SLCO1B3: variants seen among roughly 807,000 people sequenced by gnomAD.
SLCO1B3 encodes liver-specific organic anion transporter 2.
Under a neutral mutation model 71.8 loss-of-function variants are expected in SLCO1B3, and 72 were observed. The observed-to-expected ratio is 1.00, with a 90% confidence interval of 0.83 to 1.22. The LOEUF (loss-of-function observed/expected upper bound fraction) is 1.22, where lower values mean the gene tolerates loss of function less well. SLCO1B3 is among the 50% of genes most tolerant of loss of function. SLCO1B3 has a pLI of 0.00. For synonymous variants in SLCO1B3, 298 were observed against 278.4 expected, an observed-to-expected ratio of 1.07 and a Z score of -0.70; for missense variants, 911 against 819.7, an observed-to-expected ratio of 1.11 and a Z score of -1.36.
In SLCO1B3 at chr12:20,814,903, A is replaced by T. The variant is rs202125262; in HGVS notation, c.-65-771A>T. Among the ~76,000 whole-genome samples the T allele has an allele frequency of 2.1e-3, 316 of 151,976 alleles. 5 individuals carry two copies. The East Asian group carries it at 0.035, about 17-fold the overall frequency. On this transcript the variant is annotated intron_variant, in intron 2 of 15. Coordinates refer to ENST00000381545, the MANE Select transcript of SLCO1B3 (RefSeq NM_019844.4). Reference sequence around the variant, plus strand: ...CAGAGCAAGACTCCGTCTCAAAAAAAAAAAATAAAAAAGCATACCAGATTT... The same window carrying T: ...CAGAGCAAGACTCCGTCTCAAAAAATAAAAATAAAAAAGCATACCAGATTT...
chr12:20,864,568 C>G (rs1162989302), intron 8 of SLCO1B3, among the ~76,000 whole-genome samples: 2 of 152,140 alleles, frequency 1.3e-5, no homozygotes, highest in Non-Finnish European at 2.9e-5. Context: ...CTTAGTGTAG[C>G]TACACGTTAT....
At chr12:20,888,731 T>A (rs952181342) in intron 13 of SLCO1B3, among the ~76,000 whole-genome samples, 1 of 152,100 alleles carries the variant, frequency 6.6e-6, no homozygotes, top group African/African-American at 2.4e-5. Context: ...CTACGTTGAA[T>A]ACGAGTAGTG....
At chr12:20,906,761 CAATG>C (rs1235771075) in intron 15 of SLCO1B3, among the ~76,000 whole-genome samples, 1 of 152,020 alleles carries the variant, frequency 6.6e-6, no homozygotes, top group Non-Finnish European at 1.5e-5. Flanking sequence ...CTGTTATTAT[CAATG>C]AATAAGAACA....
At chr12:20,862,233 T>A (rs560566179) in intron 6 of SLCO1B3, among the ~76,000 whole-genome samples, 179 bp from the exon 7 acceptor site, 1 of 152,166 alleles carries the variant, frequency 6.6e-6, no homozygotes, top group African/African-American at 2.4e-5. Flanking sequence ...TATAGAAAAT[T>A]TTTACTTGTT....
chr12:20,899,704 G>T (rs1866090606), intron 14 of SLCO1B3, among the ~76,000 whole-genome samples: 1 of 152,176 alleles, frequency 6.6e-6, no homozygotes, highest in South Asian at 2.1e-4. Context: ...GGCCACAGAG[G>T]CTGAAAATAG....
chr12:20,916,184 T>C lies in SLCO1B3; in HGVS notation c.2046T>C (p.Pro682=). 1.9e-6 allele frequency: 3 copies of C among 1,611,582 alleles called. No homozygotes were observed. Among genetic ancestry groups the C allele is most frequent in the Non-Finnish European group, 2.5e-6 (3 of 1,177,802 alleles). Residue 682 remains proline, a synonymous_variant, in exon 16 of 16, where the codon CCT becomes CCC. Coordinates refer to ENST00000381545, the MANE Select transcript of SLCO1B3 (RefSeq NM_019844.4). Reference sequence around the variant, plus strand: ...TAAATAATGGTGAACATTTTGTACCTTCTGCTGGAACAGATAGTAAAACAT... The same window carrying C: ...TAAATAATGGTGAACATTTTGTACCCTCTGCTGGAACAGATAGTAAAACAT... The part of the protein sequence containing the change: ...EFLNNGEHFV[P]SAGTDSKTCN...
chr12:20,865,921 T>C (rs7309891), intron 8 of SLCO1B3, among the ~76,000 whole-genome samples: 111,624 of 151,922 alleles, frequency 0.73, 43,184 homozygotes, highest in South Asian at 0.9. Context: ...AATTCTGTAA[T>C]CATCTCCTGT....
intron 3 of SLCO1B3, among the ~76,000 whole-genome samples, chr12:20,822,305 G>T (rs1864329130): frequency 6.6e-6 from 1 of 152,102 alleles, no homozygotes; most frequent in South Asian, 2.1e-4. Flanking sequence ...GGGAGATAAG[G>T]GTGGGGCCGT....
intron 3 of SLCO1B3, among the ~76,000 whole-genome samples, chr12:20,835,002 A>G (rs1864646245): frequency 6.6e-6 from 1 of 152,162 alleles, no homozygotes; most frequent in African/African-American, 2.4e-5. Flanking sequence ...ATCCTCTGAA[A>G]TCTAGGTGGA....
intron 4 of SLCO1B3, among the ~76,000 whole-genome samples, chr12:20,857,981 A>G (rs530246219): frequency 2.2e-4 from 33 of 152,114 alleles, no homozygotes; most frequent in South Asian, 4.2e-4. Context: ...CATCTGTTTT[A>G]TTTTATTACT....
intron 3 of SLCO1B3, among the ~76,000 whole-genome samples, chr12:20,829,275 C>G (rs902565492): frequency 1.3e-5 from 2 of 152,176 alleles, no homozygotes; most frequent in Non-Finnish European, 2.9e-5. Flanking sequence ...ATTTCCAAGA[C>G]AAAAACTACA....
intron 8 of SLCO1B3, among the ~76,000 whole-genome samples, chr12:20,868,149 A>G (rs887760839): frequency 5.9e-5 from 9 of 152,190 alleles, no homozygotes; most frequent in African/African-American, 2.2e-4. Flanking sequence ...TGTTTATGCT[A>G]TTGGTAAGAA....
chr12:20,880,739 C>G, intron 11 of SLCO1B3, 116 bp from the exon 12 acceptor site: 2 of 597,064 alleles, frequency 3.3e-6, no homozygotes, highest in Non-Finnish European at 5.3e-6. Flanking sequence ...CTTCTCTTTT[C>G]CTCTTCTCTT....
chr12:20,819,565 CATGAGGTGGATAGG>C (rs1864254385), intron 3 of SLCO1B3, among the ~76,000 whole-genome samples: 4 of 152,046 alleles, frequency 2.6e-5, no homozygotes, highest in Admixed American at 2.6e-4. Flanking sequence ...GGTTTGGTAC[CATGAGGTGGATAGG>C]CAAAATAATT....
In SLCO1B3 at chr12:20,875,254, T is replaced by A; in HGVS notation, c.747T>A (p.Pro249=). The A allele has an allele frequency of 6.2e-7, 1 of 1,613,172 alleles. No homozygotes were observed. The highest frequency in any genetic ancestry group is 1.1e-5 in the South Asian group (1 of 90,804). The change falls in exon 9 of 16, where the codon CCT becomes CCA. Residue 249 remains proline, a synonymous_variant. Transcript: ENST00000381545. Reference sequence around the variant, plus strand: ...TCCTAGGCACTATCAGAATAACTCCTAAGGACTCTCGTTGGGTTGGAGCTT... The same window carrying A: ...TCCTAGGCACTATCAGAATAACTCCAAAGGACTCTCGTTGGGTTGGAGCTT... The part of the protein sequence containing the change: ...YVDLSTIRIT[P]KDSRWVGAWW...
At chr12:20,885,781 C>T (rs531314849) in intron 13 of SLCO1B3, among the ~76,000 whole-genome samples, 13 of 151,920 alleles carry the variant, frequency 8.6e-5, no homozygotes, top group Non-Finnish European at 1.3e-4. Context: ...ACAGAGCTAG[C>T]GTGATCCAGA....
intron 13 of SLCO1B3, among the ~76,000 whole-genome samples, chr12:20,898,011 C>T (rs1299798989): frequency 6.6e-6 from 1 of 152,104 alleles, no homozygotes; most frequent in African/African-American, 2.4e-5. Context: ...ATTCTGTTAA[C>T]ATTGATGACA....
intron 13 of SLCO1B3, among the ~76,000 whole-genome samples, chr12:20,889,616 A>G (rs1865862678): frequency 6.6e-6 from 1 of 152,054 alleles, no homozygotes; most frequent in Non-Finnish European, 1.5e-5. Context: ...CTAGTAAGCT[A>G]TCTATCTTAC....
rs74067222 is a variant in SLCO1B3, at chr12:20,812,891, A to G, written c.-180-633A>G. 3.9e-3 allele frequency among the ~76,000 whole-genome samples: 589 copies of G among 152,312 alleles called. 5 individuals carry two copies. The highest frequency in any genetic ancestry group is 0.013 in the African/African-American group (549 of 41,578). On this transcript the variant is annotated intron_variant, in intron 1 of 15. Coordinates refer to ENST00000381545, the MANE Select transcript of SLCO1B3 (RefSeq NM_019844.4). ...CGTTCAAAAAGATTTGCAATTATAG[A>G]ATTAATTGGTAAAAAATAAATATTT... is the stretch of plus-strand genomic sequence containing the variant.
Sources: gnomAD v4.1 joint callset for allele counts (sites outside exome capture counted in the v4.1 genomes callset) on GRCh38, gnomAD v4.1.1 for gene constraint, MANE v1.5 for transcripts, NCBI Gene and HGNC (gene_info 2026-07-23, HGNC 2026-07-21) for gene names.